The following AFF1 variants were observed in gnomAD, a reference collection of about 807,000 sequenced individuals.
AFF1 encodes the protein ALF transcription elongation factor 1, also known as AF4/FMR2 family member 1.
Under a neutral mutation model 121.7 loss-of-function variants are expected in AFF1, and 48 were observed. That is an observed-to-expected ratio of 0.39 (90% confidence interval 0.31 to 0.50). AFF1 has a LOEUF of 0.50. Ranked by LOEUF, AFF1 falls within the 20% of genes least tolerant of loss-of-function variation. The pLI is 0.76. For missense variants in AFF1, 1,523 were observed against 1,511.7 expected (o/e 1.01, Z -0.12); for synonymous variants, 613 against 563.0 (o/e 1.09, Z -1.26).
chr4:87,108,356 C>T, intron 11 of AFF1, 41 bp downstream of exon 11: 2 of 1,597,518 alleles, frequency 1.3e-6, no homozygotes, highest in Non-Finnish European at 1.7e-6. Context: ...TAGATGGCAG[C>T]ATTCTGTCCT....
At chr4:87,069,447 A>G (rs1029117210) in intron 4 of AFF1, among the ~76,000 whole-genome samples, 7 of 98,330 alleles carry the variant, frequency 7.1e-5, no homozygotes, top group African/African-American at 3.0e-4. Context: ...CTCTCTCCCT[A>G]TCCTCTTCCT....
At chr4:86,985,983 A>G (rs1329938162) in intron 2 of AFF1, among the ~76,000 whole-genome samples, 1 of 152,014 alleles carries the variant, frequency 6.6e-6, no homozygotes, top group African/African-American at 2.4e-5. Flanking sequence ...TTGTAATGGG[A>G]TGTCTTAAAG....
intron 2 of AFF1, among the ~76,000 whole-genome samples, chr4:86,968,987 GGA>G (rs1722728554): frequency 1.3e-5 from 2 of 152,258 alleles, no homozygotes; most frequent in South Asian, 4.1e-4. Context: ...GAAGAAAAAA[GGA>G]GAGAGAAGGG....
At chr4:86,952,917 G>A (rs1721468867) in intron 2 of AFF1, among the ~76,000 whole-genome samples, 1 of 151,472 alleles carries the variant, frequency 6.6e-6, no homozygotes. Context: ...ATATTGTCCA[G>A]GCTGGTCTCA....
chr4:86,953,168 C>G (rs952709830), intron 2 of AFF1, among the ~76,000 whole-genome samples: 1 of 151,978 alleles, frequency 6.6e-6, no homozygotes, highest in South Asian at 2.1e-4. Context: ...ATCATAATTT[C>G]TAGCTCCTCA....
chr4:87,125,163 A>G lies in AFF1; in HGVS notation c.2573+20A>G, dbSNP rs1728106956. 1 of 1,574,494 alleles carries G rather than the reference A, an allele frequency of 6.4e-7. No homozygotes were observed. Among genetic ancestry groups the G allele is most frequent in the Admixed American group, 1.7e-5 (1 of 57,450 alleles). ...AACAAAGTGAGTATAGAGATTAGCA[A>G]CCACCTAATCTACGGTGATCAACAC... is the stretch of plus-strand genomic sequence containing the variant. On this transcript the variant is annotated intron_variant, in intron 13 of 20. Coordinates refer to ENST00000395146, the MANE Select transcript of AFF1 (RefSeq NM_001166693.3).
chr4:87,128,901 A>C (rs1578317141), intron 16 of AFF1, among the ~76,000 whole-genome samples: 1 of 152,254 alleles, frequency 6.6e-6, no homozygotes, highest in African/African-American at 2.4e-5. Context: ...CTGGAACTGT[A>C]TGAATCTTTG....
chr4:86,989,018 C>T (rs1026044981), intron 2 of AFF1, among the ~76,000 whole-genome samples: 3 of 152,140 alleles, frequency 2.0e-5, no homozygotes, highest in Admixed American at 1.3e-4. Flanking sequence ...CTTCCTTACA[C>T]CTTATACAAA....
intron 4 of AFF1, among the ~76,000 whole-genome samples, chr4:87,070,462 C>G (rs1391724192): frequency 6.6e-6 from 1 of 152,242 alleles, no homozygotes; most frequent in African/African-American, 2.4e-5. Context: ...AAACTCTGGA[C>G]TTGAATTTCT....
intron 2 of AFF1, among the ~76,000 whole-genome samples, chr4:87,021,666 A>G (rs1578080637): frequency 2.0e-5 from 3 of 152,248 alleles, no homozygotes; most frequent in Admixed American, 2.0e-4. Flanking sequence ...AATTGTAATT[A>G]AAAGAGAAAT....
chr4:86,943,272 G>A (rs1353976663), intron 1 of AFF1, among the ~76,000 whole-genome samples: 1 of 152,220 alleles, frequency 6.6e-6, no homozygotes, highest in East Asian at 1.9e-4. Context: ...TAGAGGAACT[G>A]TAGATGATCA....
rs565698803 is a variant in AFF1 at position 86,938,137 on chromosome 4, A to G, written c.-37+2897A>G. Among the ~76,000 whole-genome samples the G allele has an allele frequency of 7.9e-5, 12 of 152,314 alleles. No individual in the cohort carries two copies. The East Asian group carries it at 2.1e-3, about 27-fold the overall frequency. ...TTTTGGGAGATTGAGAAAGTATGTT[A>G]GAGAGAGTGCAAATTAAGGAACCTC... On this transcript the variant is annotated intron_variant, in intron 1 of 20. Transcript: ENST00000395146.
chr4:87,104,818 A>G (rs546116994), intron 8 of AFF1, among the ~76,000 whole-genome samples: 2 of 152,336 alleles, frequency 1.3e-5, no homozygotes, highest in Admixed American at 6.5e-5. Context: ...TAGGTTCACC[A>G]TAAGCCAGAA....
intron 4 of AFF1, among the ~76,000 whole-genome samples, chr4:87,064,378 G>T (rs17668131): frequency 0.39 from 59,497 of 152,028 alleles, 11,863 homozygotes; most frequent in Middle Eastern, 0.42. Context: ...AGGGTAGGAA[G>T]CTGGAATGTC....
chr4:87,096,390 CTTTT>C (rs11301562), intron 8 of AFF1, among the ~76,000 whole-genome samples: 1 of 68,296 alleles, frequency 1.5e-5, no homozygotes, highest in African/African-American at 6.1e-5. Context: ...ACACACCCGG[CTTTT>C]TTTTTTTTTT....
intron 2 of AFF1, among the ~76,000 whole-genome samples, chr4:87,006,085 G>A (rs1468267360): frequency 6.6e-6 from 1 of 152,200 alleles, no homozygotes; most frequent in East Asian, 1.9e-4. Context: ...TGTCGTTTTA[G>A]TGCCAGGCAT....
intron 4 of AFF1, among the ~76,000 whole-genome samples, chr4:87,051,711 GC>G (rs1731282286): frequency 6.6e-6 from 1 of 151,712 alleles, no homozygotes; most frequent in East Asian, 1.9e-4. Flanking sequence ...TTCATGATCC[GC>G]CCACCTCAGC....
At chr4:87,038,612 CCT>C (rs1296142368) in intron 2 of AFF1, among the ~76,000 whole-genome samples, 1 of 152,096 alleles carries the variant, frequency 6.6e-6, no homozygotes, top group African/African-American at 2.4e-5. Context: ...TTTTTGCCTC[CCT>C]GTTTGTGACA....
chr4:86,943,957 A>G lies in AFF1; in HGVS notation c.-36-4541A>G, dbSNP rs553826682. On this transcript the variant is annotated intron_variant, in intron 1 of 20. Coordinates refer to ENST00000395146, the MANE Select transcript of AFF1 (RefSeq NM_001166693.3). ...GCCTGGGCAACAAGAACGAAACTCT[A>G]CCCAAAATAAAAAAAACAATAATAA... is the stretch of plus-strand genomic sequence containing the variant. Among the ~76,000 whole-genome samples the G allele has an allele frequency of 3.4e-3, 83 of 24,402 alleles. 2 individuals are homozygous for G. In the South Asian group the frequency reaches 0.094, roughly 28 times the overall value. The allele number at this position is 24,402 out of a possible 152,430, so 16.0% of individuals were successfully genotyped here. A position where few individuals can be genotyped will look rare whatever the true frequency, so the allele number is the denominator to read the frequency against.
Sources: allele counts gnomAD v4.1 joint callset (sites outside exome capture counted in the v4.1 genomes callset), GRCh38; gene constraint gnomAD v4.1.1; transcripts MANE v1.5; gene names NCBI Gene and HGNC (gene_info 2026-07-23, HGNC 2026-07-21).